The following GARNL3 variants were observed in gnomAD, a reference collection of about 807,000 sequenced individuals.
GARNL3 encodes GTPase activating Rap/RanGAP domain like 3, also known as GTPase-activating Rap/Ran-GAP domain-like protein 3.
GARNL3 carries 63 observed loss-of-function variants against 125.0 expected under a neutral mutation model. That is an observed-to-expected ratio of 0.50 (90% CI 0.41 to 0.62). The LOEUF is 0.62. Ranked by LOEUF, GARNL3 falls within the 20% of genes least tolerant of loss-of-function variation. The pLI, the probability that GARNL3 is intolerant of heterozygous loss-of-function variation, is 0.00. For missense variants in GARNL3, 994 were observed against 1,244.0 expected, an observed-to-expected ratio of 0.80 and a Z score of 3.02; for synonymous variants, 439 against 457.5, an observed-to-expected ratio of 0.96 and a Z score of 0.52.
intron 2 of GARNL3, among the ~76,000 whole-genome samples, chr9:127,301,179 G>T (rs1478883267): frequency 1.3e-5 from 2 of 152,114 alleles, no homozygotes; most frequent in African/African-American, 4.8e-5. Flanking sequence ...CCTTATTGCT[G>T]TTCCTTGGAC....
At chr9:127,331,720 C>CTTGCTTTTT (rs367597623) in intron 7 of GARNL3, among the ~76,000 whole-genome samples, 1 of 74,416 alleles carries the variant, frequency 1.3e-5, no homozygotes, top group African/African-American at 4.8e-5. Flanking sequence ...CTTGGGCTTG[C>CTTGCTTTTT]TTTTTTTTTT....
chr9:127,239,822 G>T (rs999309796), intron 1 of GARNL3, among the ~76,000 whole-genome samples: 1 of 152,064 alleles, frequency 6.6e-6, no homozygotes, highest in African/African-American at 2.4e-5. Context: ...CAGAGAATTT[G>T]ATGAAAGTGC....
chr9:127,379,331 C>T (rs1183744778), intron 22 of GARNL3, among the ~76,000 whole-genome samples: 1 of 152,170 alleles, frequency 6.6e-6, no homozygotes, highest in African/African-American at 2.4e-5. Context: ...CTGGGACCAC[C>T]TCGTTCTAAT....
rs915907831 is a variant in GARNL3 at position 127,242,191 on chromosome 9, C to T, written c.-28-888C>T. Reference sequence around the variant, plus strand: ...TTTCTTTCTTTTTTAAATTCACTCGCGACTCCAGCCAGAGATGTCACGTTT... The same window carrying T: ...TTTCTTTCTTTTTTAAATTCACTCGTGACTCCAGCCAGAGATGTCACGTTT... On this transcript the variant is annotated intron_variant, in intron 1 of 10. Coordinates refer to the GARNL3 transcript ENST00000439286. This position sits in a 1 kb window ranked among gnomAD's most constrained non-coding sequence, Gnocchi z 4.6. 3.9e-5 allele frequency among the ~76,000 whole-genome samples: 6 copies of T among 152,054 alleles called. No homozygotes were observed. The highest frequency in any genetic ancestry group is 7.2e-5 in the African/African-American group (3 of 41,382).
At chr9:127,350,620 A>G (rs1346967032) in intron 17 of GARNL3, among the ~76,000 whole-genome samples, 1 of 152,016 alleles carries the variant, frequency 6.6e-6, no homozygotes, top group Non-Finnish European at 1.5e-5. Flanking sequence ...CTAAAAAAAT[A>G]CAAAAATTAG....
chr9:127,383,712 C>T (rs1024786887), intron 23 of GARNL3, among the ~76,000 whole-genome samples, 167 bp downstream of exon 23: 17 of 152,040 alleles, frequency 1.1e-4, no homozygotes, highest in African/African-American at 4.1e-4. Flanking sequence ...TATTTTTGTT[C>T]CCCTTTTGGG....
At chr9:127,297,160 G>A (rs62578824) in intron 2 of GARNL3, among the ~76,000 whole-genome samples, 20,185 of 151,722 alleles carry the variant, frequency 0.13, 1,736 homozygotes, top group East Asian at 0.21. Flanking sequence ...TTTGAGACAC[G>A]GTCTCCCTCC....
In GARNL3 at chr9:127,302,251, G is replaced by A. The variant is rs1400194799; in HGVS notation, c.220-9385G>A. ...GCCACCGCGCTCGGCCGGGAGAACT[G>A]TTATACACTGTTGGAGGATATGAAA... On this transcript the variant is annotated intron_variant, in intron 2 of 27. Coordinates refer to ENST00000373387, the MANE Select transcript of GARNL3 (RefSeq NM_032293.5). Among the ~76,000 whole-genome samples, 8 of 152,066 alleles carry A rather than the reference G, an allele frequency of 5.3e-5. No individual in the cohort carries two copies. The South Asian group carries it at 1.5e-3, about 28-fold the overall frequency.
chr9:127,252,377 G>A (rs770579518), intron 2 of GARNL3, among the ~76,000 whole-genome samples: 9 of 152,182 alleles, frequency 5.9e-5, no homozygotes, highest in Non-Finnish European at 1.0e-4. Context: ...TGTTGTTGAT[G>A]AGAAGCATGG....
chr9:127,318,528 AT>A (rs2065302517), intron 5 of GARNL3, among the ~76,000 whole-genome samples: 1 of 152,174 alleles, frequency 6.6e-6, no homozygotes, highest in Non-Finnish European at 1.5e-5. Flanking sequence ...ATCAAGAAAT[AT>A]TTTTCCTTCC....
chr9:127,235,029 T>A (rs2063085747), intron 1 of GARNL3, among the ~76,000 whole-genome samples: 1 of 152,126 alleles, frequency 6.6e-6, no homozygotes, highest in African/African-American at 2.4e-5. Flanking sequence ...ATGAATAATC[T>A]CTTAGAATTT....
At chr9:127,232,841 G>A (rs573427233) in intron 1 of GARNL3, among the ~76,000 whole-genome samples, 5 of 152,218 alleles carry the variant, frequency 3.3e-5, no homozygotes, top group African/African-American at 4.8e-5. Context: ...TTTCCTCATC[G>A]AGGCAAAGAA....
upstream of GARNL3, chr9:127,263,970 G>A (rs1267253884): frequency 3.3e-6 from 5 of 1,528,454 alleles, no homozygotes; most frequent in Admixed American, 8.0e-5. Context: ...TTTAGAAAAT[G>A]CAACCTACCT....
chr9:127,236,717 C>T lies in GARNL3; in HGVS notation c.-28-6362C>T, dbSNP rs1277598229. 3.9e-5 allele frequency among the ~76,000 whole-genome samples: 6 copies of T among 152,224 alleles called. No homozygotes were observed. The East Asian group carries it at 9.6e-4, about 24-fold the overall frequency. Reference sequence around the variant, plus strand: ...GGGATTACAGGTGTGAGCCTCCACACGACCCTAGTGTGCTATTCTTTTGGT... The same window carrying T: ...GGGATTACAGGTGTGAGCCTCCACATGACCCTAGTGTGCTATTCTTTTGGT... On this transcript the variant is annotated intron_variant, in intron 1 of 10. Coordinates refer to the GARNL3 transcript ENST00000439286.
At chr9:127,355,688 G>A (rs1461565760) in intron 20 of GARNL3, among the ~76,000 whole-genome samples, 3 of 152,188 alleles carry the variant, frequency 2.0e-5, no homozygotes, top group Non-Finnish European at 4.4e-5. Context: ...TAGGTACGAA[G>A]GACACAGCGA....
At chr9:127,361,305 C>T (rs766414830) in intron 21 of GARNL3, among the ~76,000 whole-genome samples, 1 of 151,950 alleles carries the variant, frequency 6.6e-6, no homozygotes, top group African/African-American at 2.4e-5. Flanking sequence ...CAGGGTCTAG[C>T]TCTGTCCCAG....
intron 1 of GARNL3, 66 bp downstream of exon 1, chr9:127,265,087 A>C: frequency 3.0e-4 from 424 of 1,402,272 alleles, no homozygotes; most frequent in East Asian, 5.7e-4. Context: ...TGCCAAGCTC[A>C]TCAGATCTTT....
chr9:127,381,601 T>A (rs1034456674), intron 22 of GARNL3, among the ~76,000 whole-genome samples: 2 of 152,052 alleles, frequency 1.3e-5, no homozygotes, highest in Non-Finnish European at 2.9e-5. Flanking sequence ...TTCTTTTCTT[T>A]TCTTTTCTTT....
In GARNL3 at chr9:127,392,559, G is replaced by A; in HGVS notation, c.2871-524G>A. On this transcript the variant is annotated intron_variant, in intron 27 of 27. Coordinates refer to ENST00000373387, the MANE Select transcript of GARNL3 (RefSeq NM_032293.5). This position sits in a 1 kb window ranked among gnomAD's most constrained non-coding sequence, Gnocchi z 5.2. ...CAGGAACTGTGTGAGGCCGAGAGTG[G>A]GCAGCAGCTGAGCCAGGTGGGCTTT... 6.6e-6 allele frequency among the ~76,000 whole-genome samples: 1 copy of A among 152,258 alleles called. No individual in the cohort carries two copies. Among genetic ancestry groups the A allele is most frequent in the Admixed American group, 6.5e-5 (1 of 15,282 alleles).
Sources: allele counts gnomAD v4.1 joint callset (sites outside exome capture counted in the v4.1 genomes callset), GRCh38; gene constraint gnomAD v4.1.1; non-coding constraint Gnocchi (gnomAD v3.1); transcripts MANE v1.5; gene names NCBI Gene and HGNC (gene_info 2026-07-23, HGNC 2026-07-21).